UNC5C: variants seen among roughly 807,000 people sequenced by gnomAD.
UNC5C encodes netrin receptor UNC5C.
UNC5C carries 47 observed loss-of-function variants against 99.8 expected under a neutral mutation model. That is an observed-to-expected ratio of 0.47 (90% confidence interval 0.37 to 0.60). The LOEUF (loss-of-function observed/expected upper bound fraction) is 0.60, where lower values mean the gene tolerates loss of function less well. Ranked by LOEUF, UNC5C falls within the 20% of genes least tolerant of loss-of-function variation. The pLI is 0.00. For synonymous variants in UNC5C, 487 were observed against 452.2 expected, an observed-to-expected ratio of 1.08 and a Z score of -0.98; for missense variants, 1,062 against 1,165.9, an observed-to-expected ratio of 0.91 and a Z score of 1.30.
At chr4:95,218,908 T>C (rs1738355147) in intron 9 of UNC5C, 61 bp downstream of exon 9, 1 of 1,491,210 alleles carries the variant, frequency 6.7e-7, no homozygotes, top group Non-Finnish European at 9.0e-7. Context: ...ACAAAAAAGA[T>C]TTTGGTATGG....
intron 2 of UNC5C, among the ~76,000 whole-genome samples, chr4:95,313,176 C>A (rs1742333643): frequency 6.6e-6 from 1 of 152,064 alleles, no homozygotes; most frequent in South Asian, 2.1e-4. Flanking sequence ...ATGCATGGAG[C>A]ACTCTAGGGG....
At chr4:95,458,171 T>A (rs999823591) in intron 1 of UNC5C, among the ~76,000 whole-genome samples, 2 of 152,106 alleles carry the variant, frequency 1.3e-5, no homozygotes, top group African/African-American at 4.8e-5. Flanking sequence ...GCCAGAATAT[T>A]TTTAGGCGTT....
intron 1 of UNC5C, among the ~76,000 whole-genome samples, chr4:95,376,258 A>C (rs1023946150): frequency 6.6e-6 from 1 of 151,906 alleles, no homozygotes; most frequent in Non-Finnish European, 1.5e-5. Flanking sequence ...ATGCATACAC[A>C]CAAATATATA....
At chr4:95,234,822 C>T (rs1739051738) in intron 7 of UNC5C, among the ~76,000 whole-genome samples, 2 of 152,250 alleles carry the variant, frequency 1.3e-5, no homozygotes, top group South Asian at 4.1e-4. Flanking sequence ...ATATGAACTA[C>T]TATGTATGAG....
At chr4:95,183,257 A>G (rs752641332) in intron 13 of UNC5C, among the ~76,000 whole-genome samples, 196 bp from the exon 14 acceptor site, 49 of 152,112 alleles carry the variant, frequency 3.2e-4, no homozygotes, top group Non-Finnish European at 5.1e-4. Flanking sequence ...AACTTACCCC[A>G]AATCACACAG....
intron 1 of UNC5C, among the ~76,000 whole-genome samples, chr4:95,542,616 G>A (rs549013100): frequency 6.6e-6 from 1 of 152,060 alleles, no homozygotes; most frequent in Non-Finnish European, 1.5e-5. Context: ...ACATTTTGGG[G>A]AGCAGCAATG....
chr4:95,245,205 A>G (rs1481260637), intron 5 of UNC5C, 61 bp from the exon 6 acceptor site: 3 of 1,470,358 alleles, frequency 2.0e-6, no homozygotes, highest in African/African-American at 2.9e-5. Context: ...ACACACATGG[A>G]CACACAAAAC....
chr4:95,474,464 A>AT (rs1454795877), intron 1 of UNC5C, among the ~76,000 whole-genome samples: 1 of 151,836 alleles, frequency 6.6e-6, no homozygotes, highest in African/African-American at 2.4e-5. Flanking sequence ...CTAATTTTGT[A>AT]TTTTTAGTAG....
intron 1 of UNC5C, among the ~76,000 whole-genome samples, chr4:95,360,646 C>G (rs1744361234): frequency 6.6e-6 from 1 of 152,100 alleles, no homozygotes; most frequent in South Asian, 2.1e-4. Context: ...CAATACAAAA[C>G]AATGATTATG....
At chr4:95,528,586 G>A (rs1200075664) in intron 1 of UNC5C, among the ~76,000 whole-genome samples, 1 of 152,196 alleles carries the variant, frequency 6.6e-6, no homozygotes, top group Non-Finnish European at 1.5e-5. Flanking sequence ...ATGTGGTAAT[G>A]TCTGGCCTAA....
At chr4:95,357,136 T>G (rs1033819484) in intron 1 of UNC5C, among the ~76,000 whole-genome samples, 3 of 28,656 alleles carry the variant, frequency 1.0e-4, no homozygotes, top group South Asian at 7.5e-4. Context: ...CTTTTTTTTG[T>G]TTTTTTTTTT....
At chr4:95,339,776 A>G (rs1211242822) in intron 1 of UNC5C, among the ~76,000 whole-genome samples, 1 of 152,118 alleles carries the variant, frequency 6.6e-6, no homozygotes, top group Non-Finnish European at 1.5e-5. Context: ...TGACTTGATT[A>G]ATTAAATTGT....
chr4:95,255,262 G>A (rs934096740), intron 4 of UNC5C, among the ~76,000 whole-genome samples: 2 of 152,106 alleles, frequency 1.3e-5, no homozygotes, highest in African/African-American at 4.8e-5. Context: ...TTACAGGTGT[G>A]AGCCACCATG....
At chr4:95,493,452 A>G (rs1026333404) in intron 1 of UNC5C, among the ~76,000 whole-genome samples, 2 of 151,502 alleles carry the variant, frequency 1.3e-5, no homozygotes, top group Non-Finnish European at 3.0e-5. Context: ...TGTACACTCT[A>G]TTTTTAAAGA....
chr4:95,255,563 A>AC (rs1739943313), intron 4 of UNC5C, among the ~76,000 whole-genome samples: 2 of 151,232 alleles, frequency 1.3e-5, no homozygotes, highest in South Asian at 4.2e-4. Context: ...CTGTGTCCTC[A>AC]CCCCCATCTG....
chr4:95,249,331 A>T (rs979578103), intron 5 of UNC5C, among the ~76,000 whole-genome samples: 3 of 152,184 alleles, frequency 2.0e-5, no homozygotes, highest in Non-Finnish European at 4.4e-5. Flanking sequence ...TCCTTCAGTC[A>T]GTAAGACTCC....
At chr4:95,328,299 C>T (rs1213418721) in intron 2 of UNC5C, among the ~76,000 whole-genome samples, 2 of 91,222 alleles carry the variant, frequency 2.2e-5, no homozygotes, top group African/African-American at 3.3e-5. Context: ...CCCACCTATG[C>T]GTGAGAATAT....
chr4:95,458,821 T>C (rs923694860), intron 1 of UNC5C, among the ~76,000 whole-genome samples: 3 of 152,090 alleles, frequency 2.0e-5, no homozygotes, highest in African/African-American at 7.2e-5. Context: ...ATTACTATTA[T>C]TTAATAGAAT....
rs1365513789 is a variant in UNC5C, at chr4:95,166,608, C to G, written c.*2626G>C. 1 of 152,152 alleles carries G rather than the reference C, an allele frequency of 6.6e-6. No individual in the cohort carries two copies. The highest frequency in any genetic ancestry group is 1.5e-5 in the Non-Finnish European group (1 of 68,030). The allele number at this position is 152,152 out of a possible 1,614,324, so 9.4% of individuals were successfully genotyped here. A position where few individuals can be genotyped will look rare whatever the true frequency, so the allele number is the denominator to read the frequency against. ...TTTAGTAACAGTTATGGAATTGATT[C>G]ATGTTCATAGCTACATAGTTGCTCC... On this transcript the variant is annotated 3_prime_UTR_variant, in exon 16 of 16. Transcript: ENST00000453304.
Sources: allele counts gnomAD v4.1 joint callset (sites outside exome capture counted in the v4.1 genomes callset), GRCh38; gene constraint gnomAD v4.1.1; transcripts MANE v1.5; gene names NCBI Gene and HGNC (gene_info 2026-07-23, HGNC 2026-07-21).